Variants in DAB1 observed in about 807,000 individuals in gnomAD.
DAB1 encodes disabled homolog 1.
Under a neutral mutation model 64.6 loss-of-function variants are expected in DAB1, and 15 were observed. The observed-to-expected ratio is 0.23, with a 90% CI of 0.16 to 0.36. DAB1 has a LOEUF of 0.36. Among genes scored for constraint, DAB1 ranks in the 10% least tolerant of loss-of-function variants. The pLI is 1.00. For missense variants in DAB1, 596 were observed against 706.7 expected, an observed-to-expected ratio of 0.84 and a Z score of 1.78; for synonymous variants, 235 against 251.9, an observed-to-expected ratio of 0.93 and a Z score of 0.64.
chr1:58,493,240 TA>T (rs1343118896), intron 3 of DAB1, among the ~76,000 whole-genome samples: 1 of 152,058 alleles, frequency 6.6e-6, no homozygotes, highest in Non-Finnish European at 1.5e-5. Flanking sequence ...AAACTCTCAA[TA>T]AATTAGGTAT....
At chr1:58,285,422 G>GA (rs1390850472) in intron 4 of DAB1, among the ~76,000 whole-genome samples, 26 of 151,982 alleles carry the variant, frequency 1.7e-4, no homozygotes, top group Non-Finnish European at 3.2e-4. Context: ...TTATATCTAG[G>GA]AAAAAACCCA....
chr1:58,183,414 G>C (rs79115811), intron 4 of DAB1, among the ~76,000 whole-genome samples: 22,354 of 151,000 alleles, frequency 0.15, 2,241 homozygotes, highest in East Asian at 0.37. Flanking sequence ...GAACAACAAA[G>C]ATCAACAGGG....
intron 1 of DAB1, among the ~76,000 whole-genome samples, chr1:57,846,177 T>C (rs935151007): frequency 1.3e-5 from 2 of 152,060 alleles, no homozygotes; most frequent in Non-Finnish European, 2.9e-5. Flanking sequence ...AAATTCAATG[T>C]GGCCAGGCAT....
At chr1:58,214,232 C>G (rs1404100048) in intron 4 of DAB1, among the ~76,000 whole-genome samples, 1 of 152,176 alleles carries the variant, frequency 6.6e-6, no homozygotes, top group African/African-American at 2.4e-5. Flanking sequence ...TCTGTCTCCT[C>G]TTTCAGTTGG....
chr1:58,208,482 T>A (rs190860593), intron 4 of DAB1, among the ~76,000 whole-genome samples: 1 of 152,250 alleles, frequency 6.6e-6, no homozygotes, highest in Admixed American at 6.5e-5. Context: ...GTCCATTATA[T>A]CATTTTTATT....
chr1:57,305,665 G>T (rs780187744), intron 1 of DAB1, among the ~76,000 whole-genome samples: 1 of 152,108 alleles, frequency 6.6e-6, no homozygotes, highest in Non-Finnish European at 1.5e-5. Context: ...ACAGAAGGGA[G>T]AAATGAAGAA....
rs184315730 is a variant in DAB1, at chr1:57,943,896, G to A, written n.388-59734C>T. Among the ~76,000 whole-genome samples the A allele has an allele frequency of 9.9e-5, 15 of 152,214 alleles. No individual in the cohort carries two copies. The East Asian group carries it at 2.3e-3, about 24-fold the overall frequency. ...AAAGGGCCAGTGAGAGTTCTGCTGC[G>A]GAAAGAATAAGGCCTTAAGGACTCA... On this transcript the variant is annotated intron_variant and non_coding_transcript_variant, in intron 5 of 20. Transcript: ENST00000485760.
intron 5 of DAB1, among the ~76,000 whole-genome samples, chr1:57,919,778 T>C (rs1644782404): frequency 6.6e-6 from 1 of 152,180 alleles, no homozygotes; most frequent in Non-Finnish European, 1.5e-5. Context: ...AGGTGTTAGA[T>C]GAGGGGGAGC....
At chr1:57,568,181 T>A (rs1645147140) in intron 7 of DAB1, among the ~76,000 whole-genome samples, 1 of 152,186 alleles carries the variant, frequency 6.6e-6, no homozygotes, top group Non-Finnish European at 1.5e-5. Context: ...GGGGAAAGGA[T>A]TCCCTATTTA....
At chr1:57,854,976 G>A (rs779552022) in intron 1 of DAB1, among the ~76,000 whole-genome samples, 23 of 152,130 alleles carry the variant, frequency 1.5e-4, no homozygotes, top group Non-Finnish European at 2.6e-4. Context: ...TAGGTTTTCC[G>A]TAGTTTTTCT....
At chr1:57,998,389 CT>C (rs3991037) in intron 5 of DAB1, among the ~76,000 whole-genome samples, 2,642 of 128,706 alleles carry the variant, frequency 0.021, 50 homozygotes, top group African/African-American at 0.064. Context: ...TTTTTTCTCT[CT>C]TTTTTTTTTT....
chr1:57,896,264 G>A (rs1206003733), intron 5 of DAB1, among the ~76,000 whole-genome samples: 2 of 152,132 alleles, frequency 1.3e-5, no homozygotes, highest in Non-Finnish European at 1.5e-5. Context: ...GGGAGGGGAA[G>A]AAGGGAAAGT....
At chr1:58,412,602 T>C (rs1301217540) in intron 3 of DAB1, among the ~76,000 whole-genome samples, 1 of 152,230 alleles carries the variant, frequency 6.6e-6, no homozygotes, top group Non-Finnish European at 1.5e-5. Context: ...CCTTCCGGGT[T>C]AGAATTTGGT....
chr1:57,485,279 T>G (rs1279147768), intron 7 of DAB1, among the ~76,000 whole-genome samples: 1 of 151,706 alleles, frequency 6.6e-6, no homozygotes, highest in Non-Finnish European at 1.5e-5. Flanking sequence ...CATGGGAGAG[T>G]AGTAGTTAAG....
intron 7 of DAB1, among the ~76,000 whole-genome samples, chr1:57,440,383 C>T (rs1685895835): frequency 6.6e-6 from 1 of 152,222 alleles, no homozygotes; most frequent in African/African-American, 2.4e-5. Context: ...CCTAATTCCA[C>T]CTTGAACAGT....
At chr1:57,290,803 A>G (rs963734264) in intron 2 of DAB1, among the ~76,000 whole-genome samples, 161 bp downstream of exon 2, 1 of 152,170 alleles carries the variant, frequency 6.6e-6, no homozygotes, top group Non-Finnish European at 1.5e-5. Flanking sequence ...GAGAATAATG[A>G]TGAACCATTA....
intron 3 of DAB1, among the ~76,000 whole-genome samples, chr1:58,410,527 C>T (rs149292259): frequency 6.6e-6 from 1 of 152,154 alleles, no homozygotes; most frequent in Non-Finnish European, 1.5e-5. Context: ...CTCTAACATC[C>T]GTCATGTCAT....
intron 7 of DAB1, among the ~76,000 whole-genome samples, chr1:57,484,231 TG>T (rs1328314104): frequency 6.6e-6 from 1 of 152,220 alleles, no homozygotes; most frequent in Non-Finnish European, 1.5e-5. Flanking sequence ...CAGATCATCC[TG>T]GGCCTTGGGG....
At chr1:57,199,545 G>A (rs547966652) in intron 2 of DAB1, among the ~76,000 whole-genome samples, 3 of 152,306 alleles carry the variant, frequency 2.0e-5, no homozygotes, top group South Asian at 4.1e-4. Flanking sequence ...AGAAGACCGC[G>A]GGCTATGCAC....
Sources: allele counts gnomAD v4.1 joint callset (sites outside exome capture counted in the v4.1 genomes callset), GRCh38; gene constraint gnomAD v4.1.1; transcripts MANE v1.5; gene names NCBI Gene and HGNC (gene_info 2026-07-23, HGNC 2026-07-21).